Variants in VLDLR observed in about 807,000 individuals in gnomAD.
VLDLR encodes the protein very low density lipoprotein receptor, also known as very low-density lipoprotein receptor.
Under a neutral mutation model 112.7 loss-of-function variants are expected in VLDLR, and 81 were observed. The observed-to-expected ratio is 0.72, with a 90% CI of 0.60 to 0.86. The LOEUF (loss-of-function observed/expected upper bound fraction) is 0.86, where lower values mean the gene tolerates loss of function less well. Ranked by LOEUF, VLDLR falls within the 40% of genes least tolerant of loss-of-function variation. The probability of loss-of-function intolerance (pLI) is 0.00; values close to 1 mark genes in which losing one functional copy is unlikely to be tolerated. For synonymous variants in VLDLR, 436 were observed against 384.8 expected (o/e 1.13, Z -1.56); for missense variants, 1,237 against 1,099.4 (o/e 1.13, Z -1.77).
Position 2,648,189 on chromosome 9 carries a change from C to G in VLDLR, c.1823-19C>G, listed in dbSNP as rs1467578070. ...GTAGTAGTGGCTTGTCATGTAATGA[C>G]AATTCTTTTCCTACCTAGACCTTAT... On this transcript the variant is annotated intron_variant, in intron 12 of 18. Coordinates refer to ENST00000382100, the MANE Select transcript of VLDLR (RefSeq NM_003383.5). 6 of 1,613,354 alleles carry G rather than the reference C, an allele frequency of 3.7e-6. No individual in the cohort carries two copies. Among genetic ancestry groups the G allele is most frequent in the Non-Finnish European group, 5.1e-6 (6 of 1,179,834 alleles).
chr9:2,630,364 CA>C (rs1354745214), intron 1 of VLDLR, among the ~76,000 whole-genome samples: 3 of 151,840 alleles, frequency 2.0e-5, no homozygotes, highest in African/African-American at 7.3e-5. Flanking sequence ...CCAGAAGTGC[CA>C]AAACAAATGG....
chr9:2,640,671 A>G (rs1227792666), intron 3 of VLDLR, among the ~76,000 whole-genome samples: 2 of 152,202 alleles, frequency 1.3e-5, no homozygotes, highest in African/African-American at 4.8e-5. Flanking sequence ...AGAAACACTA[A>G]AAAAGGACTA....
rs887587381 is a variant in VLDLR at position 2,622,114 on chromosome 9, C to T, written c.-76C>T. 3.0e-4 allele frequency: 408 copies of T among 1,360,044 alleles called. 6 individuals are homozygous for T. Among genetic ancestry groups the T allele is most frequent in the Admixed American group, 4.5e-4 (17 of 37,886 alleles). The allele number at this position is 1,360,044 out of a possible 1,614,324, so 84.2% of individuals were successfully genotyped here. ...CCCGCCCCCACCTTCTTCCTCCTTTCGGAAGGACTGGTAACTTGTCGTGCG... is the reference window on the plus strand; with the variant it reads ...CCCGCCCCCACCTTCTTCCTCCTTTTGGAAGGACTGGTAACTTGTCGTGCG... On this transcript the variant is annotated 5_prime_UTR_variant, in exon 1 of 19. Coordinates refer to ENST00000382100, the MANE Select transcript of VLDLR (RefSeq NM_003383.5).
chr9:2,653,813 A>T lies in VLDLR; in HGVS notation c.2587-20A>T. The T allele has an allele frequency of 6.2e-7, 1 of 1,613,834 alleles. No homozygotes were observed. The highest frequency in any genetic ancestry group is 8.5e-7 in the Non-Finnish European group (1 of 1,179,804). On this transcript the variant is annotated intron_variant, in intron 18 of 18. Transcript: ENST00000382100. ...AGTGAGTGATCACCAAGCTCATTCT[A>T]TACTTCTTCTTTTCCACAGATATCA... is the stretch of plus-strand genomic sequence containing the variant.
intron 1 of VLDLR, among the ~76,000 whole-genome samples, chr9:2,624,821 T>C (rs1350386834): frequency 1.3e-5 from 2 of 152,180 alleles, no homozygotes; most frequent in African/African-American, 4.8e-5. Flanking sequence ...AGGGACTGCG[T>C]AAAGGAAGGT....
At chr9:2,629,368 C>G (rs1817237782) in intron 1 of VLDLR, among the ~76,000 whole-genome samples, 1 of 152,216 alleles carries the variant, frequency 6.6e-6, no homozygotes, top group African/African-American at 2.4e-5. Flanking sequence ...TTTTTAAAAA[C>G]TTAGAATGAG....
intron 4 of VLDLR, among the ~76,000 whole-genome samples, chr9:2,642,656 CT>C (rs1362348359): frequency 6.6e-6 from 1 of 152,144 alleles, no homozygotes; most frequent in Non-Finnish European, 1.5e-5. Context: ...GTGTTTAAGA[CT>C]TGTTATTCCT....
intron 14 of VLDLR, among the ~76,000 whole-genome samples, chr9:2,649,182 A>T (rs891808299): frequency 1.3e-5 from 2 of 152,128 alleles, no homozygotes; most frequent in Admixed American, 6.5e-5. Flanking sequence ...AGTACCACAG[A>T]CTATCTTAAA....
At position 2,646,500 on chromosome 9, in the gene VLDLR, T is replaced by C. The variant is rs200479365; in HGVS notation, c.1651T>C (p.Phe551Leu). ...AGATGGAACCAAGAGGAAGTTCCTG[T>C]TTAACTCTGACTTGCGAGAGCCTGC... The part of the protein sequence containing the change: ...TLDGTKRKFL[F>L]NSDLREPASI... The change falls in exon 11 of 19, where the codon TTT becomes CTT. Residue 551 changes from phenylalanine (F) to leucine (L), a missense_variant. Phe to Leu is a conservative substitution (Grantham distance 22, BLOSUM62 0). Transcript: ENST00000382100. The C allele has an allele frequency of 6.2e-7, 1 of 1,614,124 alleles. No homozygotes were observed. Among genetic ancestry groups the C allele is most frequent in the East Asian group, 2.2e-5 (1 of 44,884 alleles).
Position 2,657,031 on chromosome 9 carries a change from T to G in VLDLR, c.*3163T>G, listed in dbSNP as rs901431972. 3.3e-5 allele frequency: 5 copies of G among 151,180 alleles called. No individual in the cohort carries two copies. Among genetic ancestry groups the G allele is most frequent in the Non-Finnish European group, 5.9e-5 (4 of 67,794 alleles). 9.4% of individuals were successfully genotyped at this position (151,180 alleles called of 1,614,324 possible). A position where few individuals can be genotyped will look rare whatever the true frequency, so the allele number is the denominator to read the frequency against. ...TGTATCTGTGGAAGTCAAGTAGCCC[T>G]TCTCAAAAATGAGAAGCCAAGCTTT... On this transcript the variant is annotated 3_prime_UTR_variant, in exon 19 of 19. Transcript: ENST00000382100.
At chr9:2,627,579 AAG>A (rs1384603487) in intron 1 of VLDLR, among the ~76,000 whole-genome samples, 4 of 152,070 alleles carry the variant, frequency 2.6e-5, no homozygotes, top group African/African-American at 7.2e-5. Context: ...AATTGCAACA[AAG>A]AGGCCGGGCG....
intron 2 of VLDLR, among the ~76,000 whole-genome samples, chr9:2,639,097 T>C (rs960790702): frequency 2.7e-5 from 4 of 150,578 alleles, no homozygotes; most frequent in Non-Finnish European, 6.0e-5. Context: ...AGTATATTAG[T>C]CAGCTCAGAC....
chr9:2,632,088 G>C (rs1286293339), intron 1 of VLDLR, among the ~76,000 whole-genome samples: 1 of 152,140 alleles, frequency 6.6e-6, no homozygotes, highest in Non-Finnish European at 1.5e-5. Context: ...TAAGTGAGTA[G>C]GTACAAGCGA....
At chr9:2,633,051 A>AGAGAGAGAGAGAGTGTGT (rs1460780869) in intron 1 of VLDLR, among the ~76,000 whole-genome samples, 3 of 115,402 alleles carry the variant, frequency 2.6e-5, no homozygotes, top group African/African-American at 1.0e-4. Flanking sequence ...AGAGAGAGAG[A>AGAGAGAGAGAGAGTGTGT]GTGTGTGTGT....
At position 2,632,467 on chromosome 9, in the gene VLDLR, G is replaced by A. The variant is rs141849240; in HGVS notation, c.83-2986G>A. On this transcript the variant is annotated intron_variant, in intron 1 of 18. Coordinates refer to ENST00000382100, the MANE Select transcript of VLDLR (RefSeq NM_003383.5). Reference sequence around the variant, plus strand: ...TAGCCTGAAGAATTAAAAGAATCTCGAGTGTAGATGATTTCAAGCTCAACT... The same window carrying A: ...TAGCCTGAAGAATTAAAAGAATCTCAAGTGTAGATGATTTCAAGCTCAACT... 3.8e-4 allele frequency among the ~76,000 whole-genome samples: 58 copies of A among 152,300 alleles called. No homozygotes were observed. The East Asian group carries it at 8.5e-3, about 22-fold the overall frequency.
chr9:2,631,127 C>T (rs1817332799), intron 1 of VLDLR, among the ~76,000 whole-genome samples: 1 of 152,122 alleles, frequency 6.6e-6, no homozygotes, highest in South Asian at 2.1e-4. Flanking sequence ...TAATCTTATA[C>T]CAGTCAGAAT....
rs1418420822 is a variant in VLDLR, at chr9:2,659,888, TA to T, written c.*6024del. On this transcript the variant is annotated 3_prime_UTR_variant, in exon 19 of 19. Transcript: ENST00000382100. ...TGTCACTTGATACTAGAATGCGATT[TA>T]AAAGCATGTAATGCCTCAGGAGTCC... 2 of 152,226 alleles carry T rather than the reference TA, an allele frequency of 1.3e-5. No homozygotes were observed. The highest frequency in any genetic ancestry group is 2.9e-5 in the Non-Finnish European group (2 of 68,046). 9.4% of individuals were successfully genotyped at this position (152,226 alleles called of 1,614,324 possible).
chr9:2,643,411 G>A lies in VLDLR; in HGVS notation c.700G>A (p.Val234Ile), dbSNP rs1445309214. 5.0e-6 allele frequency: 8 copies of A among 1,614,064 alleles called. No homozygotes were observed. Among genetic ancestry groups the A allele is most frequent in the Non-Finnish European group, 6.8e-6 (8 of 1,180,038 alleles). Residue 234 changes from valine to isoleucine, a missense_variant, in exon 5 of 19, where the codon GTC (valine) becomes ATC (isoleucine). Coordinates refer to ENST00000382100, the MANE Select transcript of VLDLR (RefSeq NM_003383.5). Reference sequence around the variant, plus strand: ...CCTGGAGCAGTGTGGCCGTCAGCCAGTCATACACACCAAGTGTCCAGCCAG... The same window carrying A: ...CCTGGAGCAGTGTGGCCGTCAGCCAATCATACACACCAAGTGTCCAGCCAG... ...ESLEQCGRQP[V>I]IHTKCPASEI... is the part of the protein sequence containing the mutation.
intron 1 of VLDLR, among the ~76,000 whole-genome samples, chr9:2,625,692 G>A (rs1034263083): frequency 5.1e-4 from 77 of 152,178 alleles, no homozygotes; most frequent in Non-Finnish European, 1.3e-4. Flanking sequence ...GCTTAGTTTG[G>A]TCCCTACTAA....
Sources: gnomAD v4.1 joint callset for allele counts (sites outside exome capture counted in the v4.1 genomes callset) on GRCh38, gnomAD v4.1.1 for gene constraint, MANE v1.5 for transcripts, NCBI Gene and HGNC (gene_info 2026-07-23, HGNC 2026-07-21) for gene names.